Variants in DISC1 observed in about 807,000 individuals in gnomAD.
DISC1 encodes disrupted in schizophrenia 1 protein.
A neutral mutation model predicts 84.5 loss-of-function variants in DISC1; 57 were observed. The observed-to-expected ratio is 0.67, with a 90% CI of 0.55 to 0.84. DISC1 has a LOEUF of 0.84. DISC1 is among the 40% of genes least tolerant of loss of function. The pLI, the probability that DISC1 is intolerant of heterozygous loss-of-function variation, is 0.00. For missense variants in DISC1, 1,000 were observed against 1,057.8 expected (o/e 0.95, Z 0.76); for synonymous variants, 411 against 415.2 (o/e 0.99, Z 0.12).
intron 10 of DISC1, among the ~76,000 whole-genome samples, chr1:231,983,543 G>A (rs1479164212): frequency 7.9e-4 from 1 of 1,270 alleles, no homozygotes; most frequent in Non-Finnish European, 1.6e-3. Flanking sequence ...TGGGGTGGGG[G>A]TGGGGGTGGG....
intron 11 of DISC1, among the ~76,000 whole-genome samples, chr1:232,023,055 AT>A (rs11287576): frequency 0.65 from 98,446 of 151,990 alleles, 32,338 homozygotes; most frequent in East Asian, 0.71. Flanking sequence ...TTTCAGGTAA[AT>A]TTTCTTCCTT....
chr1:231,944,708 A>G (rs1656792714), intron 9 of DISC1, among the ~76,000 whole-genome samples: 1 of 152,174 alleles, frequency 6.6e-6, no homozygotes, highest in Admixed American at 6.5e-5. Flanking sequence ...GGCCTAGGAA[A>G]GCACAGACTG....
chr1:231,843,442 A>G (rs1328549549), intron 9 of DISC1, among the ~76,000 whole-genome samples: 1 of 152,112 alleles, frequency 6.6e-6, no homozygotes, highest in Admixed American at 6.5e-5. Context: ...GTGATCTGAT[A>G]AGATTTGCAT....
chr1:232,020,916 TGA>T (rs1056406222), intron 11 of DISC1, among the ~76,000 whole-genome samples: 19 of 152,314 alleles, frequency 1.2e-4, no homozygotes, highest in African/African-American at 4.6e-4. Flanking sequence ...CCCACTGGTT[TGA>T]GAGAACATCC....
intron 9 of DISC1, among the ~76,000 whole-genome samples, chr1:231,856,983 C>A (rs2084317715): frequency 6.6e-6 from 1 of 152,216 alleles, no homozygotes; most frequent in Non-Finnish European, 1.5e-5. Flanking sequence ...GAAACATCCA[C>A]AGCGAGGTGC....
chr1:232,014,232 C>T (rs821641), intron 11 of DISC1, among the ~76,000 whole-genome samples: 52,544 of 152,036 alleles, frequency 0.35, 9,329 homozygotes, highest in East Asian at 0.42. Context: ...GATTCTTTCT[C>T]TTCTCTGACA....
At chr1:231,769,576 G>A (rs2076404550) in intron 5 of DISC1, among the ~76,000 whole-genome samples, 1 of 152,200 alleles carries the variant, frequency 6.6e-6, no homozygotes, top group Admixed American at 6.5e-5. Context: ...CATAGAGAAA[G>A]TAGAATGGTG....
intron 9 of DISC1, among the ~76,000 whole-genome samples, chr1:231,949,791 G>A (rs1284975713): frequency 5.9e-5 from 9 of 152,202 alleles, no homozygotes; most frequent in African/African-American, 2.2e-4. Context: ...CTCTGCTTTA[G>A]AGGGAAAAGT....
intron 9 of DISC1, among the ~76,000 whole-genome samples, chr1:231,891,443 T>A (rs552868243): frequency 6.6e-6 from 1 of 152,076 alleles, no homozygotes; most frequent in Non-Finnish European, 1.5e-5. Flanking sequence ...TCATGCCACG[T>A]GAGGAAGCAC....
intron 9 of DISC1, among the ~76,000 whole-genome samples, chr1:231,841,749 T>G (rs931867460): frequency 6.6e-6 from 1 of 152,176 alleles, no homozygotes; most frequent in Admixed American, 6.5e-5. Flanking sequence ...TAAAAATCAC[T>G]CAGGTTGTAA....
intron 4 of DISC1, among the ~76,000 whole-genome samples, chr1:231,764,592 A>G (rs1308075808): frequency 6.6e-6 from 1 of 152,150 alleles, no homozygotes; most frequent in African/African-American, 2.4e-5. Flanking sequence ...TTCTTGTGTG[A>G]CCTAATTTTA....
At chr1:231,990,456 A>G (rs1198813833) in intron 10 of DISC1, among the ~76,000 whole-genome samples, 1 of 151,898 alleles carries the variant, frequency 6.6e-6, no homozygotes, top group East Asian at 1.9e-4. Context: ...GTGGTAGGAG[A>G]TCGGGGGTGA....
chr1:231,918,572 A>G (rs1202641723), intron 9 of DISC1, among the ~76,000 whole-genome samples: 2 of 152,268 alleles, frequency 1.3e-5, no homozygotes, highest in African/African-American at 4.8e-5. Flanking sequence ...GTAACTGGTT[A>G]TAGAACATTA....
chr1:231,984,034 A>G (rs1664046181), intron 10 of DISC1, among the ~76,000 whole-genome samples: 1 of 152,254 alleles, frequency 6.6e-6, no homozygotes, highest in Non-Finnish European at 1.5e-5. Flanking sequence ...CTAGTGCGGC[A>G]TGGGGCCAGG....
At chr1:231,757,749 A>G (rs1198445069) in intron 4 of DISC1, among the ~76,000 whole-genome samples, 2 of 152,216 alleles carry the variant, frequency 1.3e-5, no homozygotes, top group East Asian at 3.9e-4. Flanking sequence ...CCACCCTATA[A>G]TAGACCCTCT....
intron 9 of DISC1, among the ~76,000 whole-genome samples, chr1:231,915,533 C>T (rs2089557793): frequency 1.3e-5 from 2 of 152,214 alleles, no homozygotes; most frequent in African/African-American, 2.4e-5. Context: ...CCTATAATCC[C>T]AGCACTTTGG....
intron 3 of DISC1, among the ~76,000 whole-genome samples, chr1:231,714,598 A>G (rs1033537468): frequency 7.3e-6 from 1 of 137,052 alleles, no homozygotes; most frequent in African/African-American, 2.5e-5. Flanking sequence ...AGAGAGACAG[A>G]AAGAGAGAAG....
chr1:231,890,392 T>C (rs1475082850), intron 9 of DISC1, among the ~76,000 whole-genome samples: 1 of 152,200 alleles, frequency 6.6e-6, no homozygotes, highest in Non-Finnish European at 1.5e-5. Context: ...AAATCCACTT[T>C]CGTAAAGCAA....
chr1:231,821,041 G>A (rs1378572366), intron 9 of DISC1, among the ~76,000 whole-genome samples: 1 of 152,066 alleles, frequency 6.6e-6, no homozygotes, highest in African/African-American at 2.4e-5. Flanking sequence ...TTGTGTCTCT[G>A]GCTAGATTGT....
Sources: allele counts gnomAD v4.1 joint callset (sites outside exome capture counted in the v4.1 genomes callset), GRCh38; gene constraint gnomAD v4.1.1; transcripts MANE v1.5; gene names NCBI Gene and HGNC (gene_info 2026-07-23, HGNC 2026-07-21).